The following TRAK1 variants were observed in gnomAD, a reference collection of about 807,000 sequenced individuals.
The protein encoded by TRAK1 is trafficking kinesin protein 1.
Under a neutral mutation model 92.1 loss-of-function variants are expected in TRAK1, and 33 were observed. That is an observed-to-expected ratio of 0.36 (90% CI 0.27 to 0.48). The LOEUF is 0.48. Ranked by LOEUF, TRAK1 falls within the 20% of genes least tolerant of loss-of-function variation. The pLI, the probability that TRAK1 is intolerant of heterozygous loss-of-function variation, is 0.99. For synonymous variants in TRAK1, 521 were observed against 517.3 expected, an observed-to-expected ratio of 1.01 and a Z score of -0.10; for missense variants, 1,123 against 1,257.9, an observed-to-expected ratio of 0.89 and a Z score of 1.62.
At chr3:42,170,278 A>T (rs146150134) in intron 2 of TRAK1, among the ~76,000 whole-genome samples, 1 of 152,330 alleles carries the variant, frequency 6.6e-6, no homozygotes, top group African/African-American at 2.4e-5. Context: ...GGAAACTTGG[A>T]TGACTGGTGA....
rs79793773 is a variant in TRAK1, at chr3:42,201,081, T to C, written c.1427+27T>C. On this transcript the variant is annotated intron_variant, in intron 12 of 15. Transcript: ENST00000327628. ...TGAGCAAGCTGGGAGTTTTCACTTCTCTGTTTTGGGGTGAGGAGTGGTAGT... is the reference window on the plus strand; with the variant it reads ...TGAGCAAGCTGGGAGTTTTCACTTCCCTGTTTTGGGGTGAGGAGTGGTAGT... 1,845 of 1,609,828 alleles carry C rather than the reference T, an allele frequency of 1.1e-3. 10 individuals are homozygous for C. The African/African-American group carries it at 0.022, about 19-fold the overall frequency.
intron 1 of TRAK1, among the ~76,000 whole-genome samples, chr3:42,080,665 T>C (rs1454479869): frequency 6.6e-6 from 1 of 152,190 alleles, no homozygotes; most frequent in Non-Finnish European, 1.5e-5. Flanking sequence ...AATGCCTGTT[T>C]ACATTAGAGT....
chr3:42,185,301 T>C (rs1162508566), intron 4 of TRAK1, among the ~76,000 whole-genome samples: 2 of 152,198 alleles, frequency 1.3e-5, no homozygotes, highest in Non-Finnish European at 2.9e-5. Context: ...ACATTCATCG[T>C]TGTAGTATAA....
At chr3:42,050,692 C>T (rs1430033053) in intron 1 of TRAK1, among the ~76,000 whole-genome samples, 2 of 151,976 alleles carry the variant, frequency 1.3e-5, no homozygotes, top group Non-Finnish European at 2.9e-5. Context: ...GAGTCTTGCT[C>T]TATTGCCCAG....
chr3:42,135,757 G>A (rs1296140339), intron 2 of TRAK1, among the ~76,000 whole-genome samples: 1 of 152,052 alleles, frequency 6.6e-6, no homozygotes, highest in East Asian at 1.9e-4. Context: ...TCTTTTTGGT[G>A]TGGTTAGATG....
At chr3:42,206,782 G>A (rs116256893) in intron 13 of TRAK1, among the ~76,000 whole-genome samples, 4,818 of 152,270 alleles carry the variant, frequency 0.032, 279 homozygotes, top group African/African-American at 0.11. Context: ...GCTGTGGAGT[G>A]TCAGAGAATG....
chr3:42,086,311 C>CTTTCT (rs1553711095), upstream of TRAK1, among the ~76,000 whole-genome samples: 1 of 140,476 alleles, frequency 7.1e-6, no homozygotes, highest in Non-Finnish European at 1.5e-5. Flanking sequence ...CTTTTTCTTT[C>CTTTCT]TTTTTTTTTT....
intron 2 of TRAK1, among the ~76,000 whole-genome samples, chr3:42,154,737 G>A (rs9860594): frequency 0.78 from 119,028 of 152,124 alleles, 46,879 homozygotes; most frequent in East Asian, 0.99. Context: ...AGCCTTATTT[G>A]TTTATTTAAA....
chr3:42,125,647 G>A (rs751508708), intron 2 of TRAK1, 33 bp downstream of exon 2: 4 of 1,608,074 alleles, frequency 2.5e-6, no homozygotes, highest in Admixed American at 3.3e-5. Flanking sequence ...TGTGATGGCA[G>A]TATCATGATC....
chr3:42,096,725 G>A (rs1282652598), intron 1 of TRAK1, among the ~76,000 whole-genome samples: 3 of 152,216 alleles, frequency 2.0e-5, no homozygotes, highest in African/African-American at 7.2e-5. Context: ...TGTGAAGGGG[G>A]CAGCCACAAA....
intron 1 of TRAK1, among the ~76,000 whole-genome samples, chr3:42,058,015 C>G (rs1412242205): frequency 6.6e-6 from 1 of 152,196 alleles, no homozygotes; most frequent in Non-Finnish European, 1.5e-5. Flanking sequence ...TTACTGCTAC[C>G]CAGGTTTGCC....
chr3:42,193,978 G>A (rs1706204901), intron 9 of TRAK1, 80 bp downstream of exon 9: 4 of 1,254,342 alleles, frequency 3.2e-6, no homozygotes, highest in South Asian at 2.6e-5. Context: ...CTTTAGTCAC[G>A]TCCATCGCAA....
At chr3:42,050,512 T>C (rs369571498) in intron 1 of TRAK1, among the ~76,000 whole-genome samples, 22 of 152,308 alleles carry the variant, frequency 1.4e-4, no homozygotes, top group East Asian at 5.8e-4. Context: ...TCGCTTTTCC[T>C]TGGGACCCCT....
intron 1 of TRAK1, among the ~76,000 whole-genome samples, chr3:42,118,782 G>A (rs978520369): frequency 6.6e-6 from 1 of 152,224 alleles, no homozygotes. Context: ...GAGGTAAAGA[G>A]TCCTTTTAGG....
chr3:42,217,250 G>A (rs1709823674), intron 14 of TRAK1: 2 of 985,218 alleles, frequency 2.0e-6, no homozygotes, highest in Non-Finnish European at 2.4e-6. Context: ...AAGGAAGGGA[G>A]GTGCAGCAGC....
intron 2 of TRAK1, chr3:42,149,464 A>G: frequency 6.5e-7 from 1 of 1,533,944 alleles, no homozygotes; most frequent in Non-Finnish European, 8.7e-7. Context: ...AAGGGCGGGG[A>G]GGCATGGCAG....
chr3:42,125,407 G>T lies in TRAK1; in HGVS notation c.92-13G>T. 6.2e-7 allele frequency: 1 copy of T among 1,608,426 alleles called. No homozygotes were observed. The highest frequency in any genetic ancestry group is 1.3e-5 in the African/African-American group (1 of 74,766). The stretch of plus-strand genomic sequence containing the variant: ...ATTTCTGGGCTCTCATTTCTTGGTT[G>T]TCTTGTCTTTAGATGTGTGCAACAG... On this transcript the variant is annotated splice_polypyrimidine_tract_variant and intron_variant, in intron 1 of 15. Transcript: ENST00000327628.
At chr3:42,126,696 G>C (rs1710606247) in intron 2 of TRAK1, among the ~76,000 whole-genome samples, 1 of 152,122 alleles carries the variant, frequency 6.6e-6, no homozygotes, top group African/African-American at 2.4e-5. Flanking sequence ...TTCAAAACCA[G>C]CTTATGTTGC....
chr3:42,074,187 T>G (rs1429234230), intron 1 of TRAK1, among the ~76,000 whole-genome samples: 2 of 152,176 alleles, frequency 1.3e-5, no homozygotes, highest in Non-Finnish European at 2.9e-5. Flanking sequence ...CTAGGCAATG[T>G]TTAGTCTTTG....
Sources: gnomAD v4.1 joint callset for allele counts (sites outside exome capture counted in the v4.1 genomes callset) on GRCh38, gnomAD v4.1.1 for gene constraint, MANE v1.5 for transcripts, NCBI Gene and HGNC (gene_info 2026-07-23, HGNC 2026-07-21) for gene names.